The following RSRC1 variants were observed in gnomAD, a reference collection of about 807,000 sequenced individuals.
RSRC1 encodes the protein serine/Arginine-related protein 53.
Under a neutral mutation model 49.1 loss-of-function variants are expected in RSRC1, and 39 were observed. The ratio of observed to expected loss-of-function variants is 0.79; its 90% CI spans 0.61 to 1.04. RSRC1 has a LOEUF of 1.04. Ranked by LOEUF, RSRC1 falls within the 50% of genes least tolerant of loss-of-function variation. The pLI is 0.00. For synonymous variants in RSRC1, 143 were observed against 130.8 expected (o/e 1.09, Z -0.63); for missense variants, 388 against 402.4 (o/e 0.96, Z 0.31).
At chr3:158,511,622 C>A (rs1039135072) in intron 7 of RSRC1, among the ~76,000 whole-genome samples, 5 of 152,132 alleles carry the variant, frequency 3.3e-5, no homozygotes, top group African/African-American at 1.2e-4. Flanking sequence ...ATTTATAGTC[C>A]TTTGGCTATA....
intron 3 of RSRC1, among the ~76,000 whole-genome samples, chr3:158,154,758 G>A (rs1023322615): frequency 2.0e-5 from 3 of 152,036 alleles, no homozygotes; most frequent in African/African-American, 4.8e-5. Context: ...CACTGCGCCC[G>A]GCCAGAACTT....
intron 7 of RSRC1, among the ~76,000 whole-genome samples, chr3:158,511,524 G>C (rs1181812491): frequency 6.6e-6 from 1 of 152,160 alleles, no homozygotes; most frequent in African/African-American, 2.4e-5. Context: ...GTCTATCATT[G>C]TTGGACATTT....
At chr3:158,501,597 A>G (rs1739601204) in intron 7 of RSRC1, among the ~76,000 whole-genome samples, 1 of 152,134 alleles carries the variant, frequency 6.6e-6, no homozygotes, top group Non-Finnish European at 1.5e-5. Flanking sequence ...TTGTCGTTAT[A>G]TAATGTCCCT....
At chr3:158,425,415 T>A (rs1253641128) in intron 6 of RSRC1, among the ~76,000 whole-genome samples, 1 of 152,148 alleles carries the variant, frequency 6.6e-6, no homozygotes, top group Non-Finnish European at 1.5e-5. Context: ...AATCCTGAGT[T>A]CTAGTTTGAT....
chr3:158,311,867 C>T (rs1338054034), intron 5 of RSRC1, among the ~76,000 whole-genome samples: 1 of 151,394 alleles, frequency 6.6e-6, no homozygotes, highest in African/African-American at 2.4e-5. Flanking sequence ...CCTCAGTAAA[C>T]CAAAAAAAAT....
At chr3:158,400,339 A>T (rs910002304) in intron 6 of RSRC1, among the ~76,000 whole-genome samples, 18 of 152,148 alleles carry the variant, frequency 1.2e-4, no homozygotes, top group African/African-American at 4.1e-4. Flanking sequence ...ATAATACTTG[A>T]TACTGATAAT....
At chr3:158,282,987 A>T (rs1421883595) in intron 4 of RSRC1, among the ~76,000 whole-genome samples, 1 of 152,190 alleles carries the variant, frequency 6.6e-6, no homozygotes, top group Non-Finnish European at 1.5e-5. Context: ...AGAGTTCACC[A>T]TTTCTGTTTG....
intron 3 of RSRC1, among the ~76,000 whole-genome samples, chr3:158,202,429 T>C (rs992371829): frequency 1.3e-5 from 2 of 151,278 alleles, no homozygotes; most frequent in African/African-American, 4.9e-5. Flanking sequence ...GGGGTTTGCC[T>C]TGCTGTCTCA....
chr3:158,157,932 T>G (rs2108220765), intron 3 of RSRC1, among the ~76,000 whole-genome samples: 1 of 151,918 alleles, frequency 6.6e-6, no homozygotes, highest in Admixed American at 6.6e-5. Flanking sequence ...AAAGAGCAAG[T>G]GACAGTCCCT....
At chr3:158,127,185 T>G (rs919345374) in intron 3 of RSRC1, among the ~76,000 whole-genome samples, 8 of 152,160 alleles carry the variant, frequency 5.3e-5, no homozygotes, top group African/African-American at 1.9e-4. Context: ...TTTCTCAGAT[T>G]TGGGAATTTT....
intron 3 of RSRC1, among the ~76,000 whole-genome samples, chr3:158,166,060 C>G (rs958494180): frequency 6.6e-6 from 1 of 152,146 alleles, no homozygotes; most frequent in African/African-American, 2.4e-5. Context: ...TTAGAAGCAT[C>G]TATATCTAAG....
intron 5 of RSRC1, among the ~76,000 whole-genome samples, chr3:158,302,448 G>A (rs1318889206): frequency 6.6e-6 from 1 of 151,634 alleles, no homozygotes; most frequent in African/African-American, 2.4e-5. Context: ...TTAATTTGAT[G>A]AATAATCGCT....
intron 6 of RSRC1, among the ~76,000 whole-genome samples, chr3:158,372,274 T>C (rs551947241): frequency 6.6e-6 from 1 of 152,050 alleles, no homozygotes; most frequent in African/African-American, 2.4e-5. Context: ...TTCTATGTTT[T>C]CTTCTAGAGT....
chr3:158,113,097 G>C (rs1443577988), intron 1 of RSRC1, among the ~76,000 whole-genome samples: 1 of 148,650 alleles, frequency 6.7e-6, no homozygotes, highest in Non-Finnish European at 1.5e-5. Flanking sequence ...TAATGCTGCA[G>C]TGAACATAAA....
In RSRC1 at chr3:158,488,552, T is replaced by C. The variant is rs566692237; in HGVS notation, c.652+27549T>C. Among the ~76,000 whole-genome samples the C allele has an allele frequency of 2.6e-3, 392 of 152,290 alleles. 1 individual carries two copies. Among genetic ancestry groups the C allele is most frequent in the African/African-American group, 9.1e-3 (378 of 41,548 alleles). ...CTGACCATATTGGAAATTTTAGACA[T>C]TAAAGAAGAGCTGCTTAGAAATTAG... On this transcript the variant is annotated intron_variant, in intron 7 of 9. Transcript: ENST00000611884.
chr3:158,440,652 TAG>T (rs1372668449), intron 6 of RSRC1, among the ~76,000 whole-genome samples: 2 of 152,042 alleles, frequency 1.3e-5, no homozygotes, highest in Admixed American at 1.3e-4. Context: ...TCAGAAATAT[TAG>T]AGAAACCAGT....
chr3:158,365,694 C>T (rs1429969050), intron 6 of RSRC1, among the ~76,000 whole-genome samples: 1 of 152,196 alleles, frequency 6.6e-6, no homozygotes, highest in Non-Finnish European at 1.5e-5. Context: ...AATGGGATTT[C>T]TGGTTCTAGC....
chr3:158,156,340 A>G (rs552865782), intron 3 of RSRC1, among the ~76,000 whole-genome samples: 1 of 152,200 alleles, frequency 6.6e-6, no homozygotes, highest in Non-Finnish European at 1.5e-5. Flanking sequence ...GCTCAAGGGA[A>G]TGTTATGGCT....
intron 5 of RSRC1, chr3:158,302,855 A>C (rs754707932): frequency 6.6e-6 from 1 of 151,656 alleles, no homozygotes; most frequent in African/African-American, 2.4e-5. Flanking sequence ...AGAGACCAAC[A>C]TGATTTTACC....
Sources: allele counts gnomAD v4.1 joint callset (sites outside exome capture counted in the v4.1 genomes callset), GRCh38; gene constraint gnomAD v4.1.1; transcripts MANE v1.5; gene names NCBI Gene and HGNC (gene_info 2026-07-23, HGNC 2026-07-21).